Variants in MEGF9 observed in about 807,000 individuals in gnomAD.
The protein encoded by MEGF9 is multiple epidermal growth factor-like domains protein 9.
In MEGF9, 6 loss-of-function variants were observed where a neutral mutation model predicts 46.8. The observed-to-expected ratio is 0.13, with a 90% confidence interval of 0.07 to 0.25. The LOEUF (loss-of-function observed/expected upper bound fraction) is 0.25, where lower values mean the gene tolerates loss of function less well. Ranked by LOEUF, MEGF9 falls within the 10% of genes least tolerant of loss-of-function variation. The pLI is 1.00. For synonymous variants in MEGF9, 302 were observed against 330.7 expected (o/e 0.91, Z 0.94); for missense variants, 683 against 792.4 (o/e 0.86, Z 1.66).
At chr9:120,691,457 C>G in intron 1 of MEGF9, 1 of 482,264 alleles carries the variant, frequency 2.1e-6, no homozygotes, top group Non-Finnish European at 4.3e-6. Context: ...GGCATCTTTG[C>G]CACAGGCCAC....
At chr9:120,662,098 G>T (rs1249418692) in intron 1 of MEGF9, among the ~76,000 whole-genome samples, 1 of 152,146 alleles carries the variant, frequency 6.6e-6, no homozygotes, top group East Asian at 1.9e-4. Context: ...TTCCCAATGA[G>T]TAAGATTAGC....
intron 2 of MEGF9, among the ~76,000 whole-genome samples, chr9:120,639,873 C>G (rs1451849159): frequency 6.6e-6 from 1 of 152,136 alleles, no homozygotes; most frequent in East Asian, 1.9e-4. Context: ...GTGAAAGGTT[C>G]AAACTCATTT....
intron 2 of MEGF9, among the ~76,000 whole-genome samples, chr9:120,631,268 T>C (rs371472727): frequency 1.8e-4 from 27 of 152,374 alleles, no homozygotes; most frequent in African/African-American, 6.5e-4. Flanking sequence ...TTGGCACCTC[T>C]GAGAATCAAG....
At chr9:120,711,020 T>C (rs1486602401) in intron 1 of MEGF9, among the ~76,000 whole-genome samples, 1 of 152,236 alleles carries the variant, frequency 6.6e-6, no homozygotes, top group Non-Finnish European at 1.5e-5. Flanking sequence ...GACGTAAGTA[T>C]AATGTTAGTT....
intron 1 of MEGF9, among the ~76,000 whole-genome samples, chr9:120,672,612 C>A (rs2043754931): frequency 6.6e-6 from 1 of 152,036 alleles, no homozygotes; most frequent in Admixed American, 6.5e-5. Context: ...CAGAATGAGA[C>A]CCTGTCTCAA....
chr9:120,678,512 G>A (rs1465300014), intron 1 of MEGF9, among the ~76,000 whole-genome samples: 5 of 152,026 alleles, frequency 3.3e-5, no homozygotes, highest in South Asian at 4.1e-4. Context: ...TCACTGTGTC[G>A]CCCAGGGTGG....
rs561224157 is a variant in MEGF9 at position 120,673,023 on chromosome 9, C to A, written c.602-13448G>T. ...GGGCAACAAGGGCAAAACTCCGTCT[C>A]AAAAAAATAAAAAATAAGGTTGCAA... On this transcript the variant is annotated intron_variant, in intron 1 of 5. Coordinates refer to ENST00000373930, the MANE Select transcript of MEGF9 (RefSeq NM_001080497.3). Among the ~76,000 whole-genome samples the A allele has an allele frequency of 4.9e-3, 744 of 151,100 alleles. 5 individuals are homozygous for A. The highest frequency in any genetic ancestry group is 7.1e-3 in the Non-Finnish European group (479 of 67,750).
intron 2 of MEGF9, among the ~76,000 whole-genome samples, chr9:120,625,631 C>T (rs1254444530): frequency 6.6e-6 from 1 of 151,774 alleles, no homozygotes; most frequent in African/African-American, 2.4e-5. Context: ...GGCAGGAGTT[C>T]GAGACCAGCC....
At chr9:120,614,289 T>G (rs1264298584) in intron 3 of MEGF9, among the ~76,000 whole-genome samples, 1 of 152,084 alleles carries the variant, frequency 6.6e-6, no homozygotes, top group Non-Finnish European at 1.5e-5. Context: ...TCCCTAAGTG[T>G]AAATCTCAAT....
intron 1 of MEGF9, among the ~76,000 whole-genome samples, chr9:120,669,599 G>T (rs1481002186): frequency 1.3e-5 from 2 of 150,236 alleles, no homozygotes; most frequent in African/African-American, 4.9e-5. Flanking sequence ...AATATAAGCA[G>T]ATAAGAGGTC....
Position 120,627,540 on chromosome 9 carries a change from G to A in MEGF9, c.804-4785C>T, listed in dbSNP as rs959866794. On this transcript the variant is annotated intron_variant, in intron 2 of 5. Coordinates refer to ENST00000373930, the MANE Select transcript of MEGF9 (RefSeq NM_001080497.3). ...TGCAGTGGCACAATCTCGGCTTACT[G>A]CAACCTCCGCCTCCTGGGTTCAAGC... Among the ~76,000 whole-genome samples, 18 of 152,206 alleles carry A rather than the reference G, an allele frequency of 1.2e-4. No individual in the cohort carries two copies. The East Asian group carries it at 3.5e-3, about 29-fold the overall frequency.
chr9:120,614,207 G>A (rs546813870), intron 3 of MEGF9, among the ~76,000 whole-genome samples: 2 of 152,194 alleles, frequency 1.3e-5, no homozygotes, highest in African/African-American at 4.8e-5. Context: ...TATTTTAGTA[G>A]AGATAGGGTT....
chr9:120,682,083 A>C (rs1239555802), intron 1 of MEGF9, among the ~76,000 whole-genome samples: 1 of 152,198 alleles, frequency 6.6e-6, no homozygotes, highest in Non-Finnish European at 1.5e-5. Context: ...GCCTTTCTCT[A>C]CCCTACATTT....
At chr9:120,630,005 C>A (rs1448004482) in intron 2 of MEGF9, among the ~76,000 whole-genome samples, 1 of 151,998 alleles carries the variant, frequency 6.6e-6, no homozygotes, top group Non-Finnish European at 1.5e-5. Context: ...TATTTTCACT[C>A]TTTAATGGTA....
At chr9:120,671,582 T>G (rs2043749845) in intron 1 of MEGF9, among the ~76,000 whole-genome samples, 1 of 152,210 alleles carries the variant, frequency 6.6e-6, no homozygotes, top group South Asian at 2.1e-4. Flanking sequence ...ATTACCTTAA[T>G]GGTCCTATAC....
At chr9:120,664,626 A>G (rs1200509716) in intron 1 of MEGF9, among the ~76,000 whole-genome samples, 1 of 152,228 alleles carries the variant, frequency 6.6e-6, no homozygotes, top group Non-Finnish European at 1.5e-5. Context: ...ACTTGTGGCT[A>G]TAATTAATAC....
intron 1 of MEGF9, among the ~76,000 whole-genome samples, chr9:120,702,274 A>C (rs1286007787): frequency 6.6e-6 from 1 of 152,200 alleles, no homozygotes; most frequent in Non-Finnish European, 1.5e-5. Context: ...AAATACCCTG[A>C]TATAGATCAA....
At chr9:120,608,134 G>A (rs1057220976) in intron 4 of MEGF9, 124 bp from the exon 5 acceptor site, 6 of 1,122,570 alleles carry the variant, frequency 5.3e-6, no homozygotes, top group Admixed American at 2.4e-5. Flanking sequence ...TGGAAGGATC[G>A]CTTGAGCCCA....
At chr9:120,661,920 C>T (rs1177396874) in intron 1 of MEGF9, among the ~76,000 whole-genome samples, 1 of 152,188 alleles carries the variant, frequency 6.6e-6, no homozygotes, top group African/African-American at 2.4e-5. Flanking sequence ...CCAACTTCTC[C>T]TGCTGGACCT....
Sources: allele counts gnomAD v4.1 joint callset (sites outside exome capture counted in the v4.1 genomes callset), GRCh38; gene constraint gnomAD v4.1.1; transcripts MANE v1.5; gene names NCBI Gene and HGNC (gene_info 2026-07-23, HGNC 2026-07-21).